The following NEGR1 variants were observed in gnomAD, a reference collection of about 807,000 sequenced individuals.
The protein encoded by NEGR1 is IgLON family member 4.
In NEGR1, 10 loss-of-function variants were observed where a neutral mutation model predicts 40.9. The ratio of observed to expected loss-of-function variants is 0.24; its 90% CI spans 0.15 to 0.42. The LOEUF (loss-of-function observed/expected upper bound fraction) is 0.42. Among genes scored for constraint, NEGR1 ranks in the 10% least tolerant of loss-of-function variants. NEGR1 has a pLI of 1.00. For synonymous variants in NEGR1, 185 were observed against 166.8 expected (o/e 1.11, Z -0.84); for missense variants, 352 against 438.9 (o/e 0.80, Z 1.77).
At chr1:71,458,250 T>TAA (rs1646688804) in intron 6 of NEGR1, among the ~76,000 whole-genome samples, 1 of 152,224 alleles carries the variant, frequency 6.6e-6, no homozygotes, top group Non-Finnish European at 1.5e-5. Flanking sequence ...CAGTAAGTTA[T>TAA]TGCTTACTGC....
chr1:71,460,745 T>C (rs1322785376), intron 6 of NEGR1, among the ~76,000 whole-genome samples: 1 of 152,162 alleles, frequency 6.6e-6, no homozygotes, highest in Non-Finnish European at 1.5e-5. Context: ...TGGAGAAAGA[T>C]GTCAGAAGGC....
Position 72,177,945 on chromosome 1 carries a change from A to G in NEGR1, c.176+104374T>C, listed in dbSNP as rs77418231. On this transcript the variant is annotated intron_variant, in intron 1 of 6. Coordinates refer to ENST00000357731, the MANE Select transcript of NEGR1 (RefSeq NM_173808.3). ...TGAAGCACAGCTGGCTGCTTTTTAG[A>G]TCCTAAATATGGGTTTTGAAAAAGT... 7.5e-3 allele frequency among the ~76,000 whole-genome samples: 1,140 copies of G among 152,086 alleles called. 10 individuals carry two copies. The highest frequency in any genetic ancestry group is 0.025 in the African/African-American group (1,053 of 41,528).
At chr1:71,543,952 G>C (rs950915842) in intron 6 of NEGR1, among the ~76,000 whole-genome samples, 1 of 151,562 alleles carries the variant, frequency 6.6e-6, no homozygotes, top group Admixed American at 6.6e-5. Flanking sequence ...CTTATATGAA[G>C]TCAAAACTTT....
intron 6 of NEGR1, among the ~76,000 whole-genome samples, chr1:71,487,754 T>TA (rs1481219645): frequency 6.6e-6 from 1 of 151,320 alleles, no homozygotes; most frequent in Admixed American, 6.6e-5. Context: ...TTTTTTTTAG[T>TA]AAAAAGGAGT....
intron 2 of NEGR1, among the ~76,000 whole-genome samples, chr1:71,898,460 GA>G (rs997578609): frequency 1.3e-5 from 2 of 151,972 alleles, no homozygotes; most frequent in Admixed American, 1.3e-4. Context: ...CTAAAAATAA[GA>G]AAAATTAGCC....
In NEGR1 at chr1:71,967,805, A is replaced by G. The variant is rs572276028; in HGVS notation, c.177-32494T>C. On this transcript the variant is annotated intron_variant, in intron 1 of 6. Transcript: ENST00000357731. ...GTAAATATAGCAAATGTCTGATGCT[A>G]CATTATATTGTTTTCTGAAAGCCAC... Among the ~76,000 whole-genome samples, 5 of 152,298 alleles carry G rather than the reference A, an allele frequency of 3.3e-5. No homozygotes were observed. The East Asian group carries it at 9.6e-4, about 29-fold the overall frequency.
intron 2 of NEGR1, among the ~76,000 whole-genome samples, chr1:71,880,826 C>A (rs775231164): frequency 6.6e-6 from 1 of 151,824 alleles, no homozygotes; most frequent in Non-Finnish European, 1.5e-5. Flanking sequence ...CATTTACTAG[C>A]CACAATATGG....
At chr1:71,494,324 A>G (rs1290725238) in intron 6 of NEGR1, among the ~76,000 whole-genome samples, 1 of 152,200 alleles carries the variant, frequency 6.6e-6, no homozygotes, top group African/African-American at 2.4e-5. Flanking sequence ...ATTAAGCCCC[A>G]GTAAAAACTC....
At chr1:71,616,097 G>T (rs1650437365) in intron 4 of NEGR1, among the ~76,000 whole-genome samples, 1 of 152,140 alleles carries the variant, frequency 6.6e-6, no homozygotes, top group South Asian at 2.1e-4. Context: ...AATGCCCAGA[G>T]GATTACTTTC....
intron 1 of NEGR1, among the ~76,000 whole-genome samples, chr1:72,133,466 AT>A (rs1413201854): frequency 1.3e-5 from 2 of 151,968 alleles, no homozygotes; most frequent in African/African-American, 4.8e-5. Context: ...GTAAAATATA[AT>A]TTTGGTTTGT....
rs558141170 is a variant in NEGR1, at chr1:71,780,166, A to C, written c.410-3869T>G. 2.6e-5 allele frequency among the ~76,000 whole-genome samples: 4 copies of C among 152,170 alleles called. No individual in the cohort carries two copies. In the East Asian group the frequency reaches 7.7e-4, roughly 29 times the overall value. On this transcript the variant is annotated intron_variant, in intron 2 of 6. Transcript: ENST00000357731. ...TCAGACTCCCTCACATCCTTTTCTA[A>C]ATACTTAATTTATGCAAAAAGGAGC... is the stretch of plus-strand genomic sequence containing the variant.
At chr1:72,143,408 G>GAGGCA (rs1238627107) in intron 1 of NEGR1, among the ~76,000 whole-genome samples, 2 of 151,866 alleles carry the variant, frequency 1.3e-5, no homozygotes, top group Non-Finnish European at 2.9e-5. Context: ...GGCAAAGAGT[G>GAGGCA]AATGAGAGAG....
chr1:71,483,050 T>C (rs1428580962), intron 6 of NEGR1, among the ~76,000 whole-genome samples: 2 of 151,692 alleles, frequency 1.3e-5, no homozygotes, highest in Non-Finnish European at 3.0e-5. Flanking sequence ...GGCACACCCA[T>C]TGGGGACATC....
intron 3 of NEGR1, among the ~76,000 whole-genome samples, chr1:71,720,238 G>A (rs942812735): frequency 1.3e-5 from 2 of 152,136 alleles, no homozygotes; most frequent in African/African-American, 4.8e-5. Flanking sequence ...CTTGCTGATA[G>A]GAATCCATTG....
intron 4 of NEGR1, among the ~76,000 whole-genome samples, chr1:71,634,784 A>G (rs1007460938): frequency 6.6e-6 from 1 of 152,136 alleles, no homozygotes; most frequent in Non-Finnish European, 1.5e-5. Context: ...GCTGAAATCC[A>G]AATTGTGGCT....
chr1:71,749,690 G>C (rs1468830021), intron 3 of NEGR1, among the ~76,000 whole-genome samples: 2 of 152,108 alleles, frequency 1.3e-5, no homozygotes, highest in East Asian at 3.9e-4. Flanking sequence ...CATGGAACTT[G>C]ATCAGATAGT....
chr1:72,052,881 T>C (rs1003643780), intron 1 of NEGR1, among the ~76,000 whole-genome samples: 1 of 151,418 alleles, frequency 6.6e-6, no homozygotes, highest in Non-Finnish European at 1.5e-5. Context: ...TTGATTCCAT[T>C]AGATTCTCAA....
intron 6 of NEGR1, among the ~76,000 whole-genome samples, chr1:71,414,120 T>C (rs981244030): frequency 1.3e-5 from 2 of 152,136 alleles, no homozygotes; most frequent in Non-Finnish European, 2.9e-5. Flanking sequence ...AGCATATACC[T>C]AGTGGGAAGC....
intron 1 of NEGR1, among the ~76,000 whole-genome samples, chr1:72,174,231 A>G (rs889766915): frequency 1.3e-5 from 2 of 152,312 alleles, no homozygotes; most frequent in East Asian, 3.9e-4. Context: ...AAAGTACAGA[A>G]GTCCCATATG....
Sources: gnomAD v4.1 joint callset for allele counts (sites outside exome capture counted in the v4.1 genomes callset) on GRCh38, gnomAD v4.1.1 for gene constraint, MANE v1.5 for transcripts, NCBI Gene and HGNC (gene_info 2026-07-23, HGNC 2026-07-21) for gene names.